The following BRINP2 variants were observed in gnomAD, a reference collection of about 807,000 sequenced individuals.
The protein encoded by BRINP2 is BMP/retinoic acid inducible neural specific 2, also known as BMP/retinoic acid-inducible neural-specific protein 2.
BRINP2 carries 21 observed loss-of-function variants against 69.2 expected under a neutral mutation model. The ratio of observed to expected loss-of-function variants is 0.30; its 90% CI spans 0.22 to 0.44. BRINP2 has a LOEUF of 0.44. Ranked by LOEUF, BRINP2 falls within the 20% of genes least tolerant of loss-of-function variation. The pLI is 1.00. For synonymous variants in BRINP2, 380 were observed against 394.1 expected (o/e 0.96, Z 0.42); for missense variants, 877 against 986.0 (o/e 0.89, Z 1.48).
At chr1:177,205,575 C>G (rs946386369) in intron 1 of BRINP2, among the ~76,000 whole-genome samples, 7 of 152,206 alleles carry the variant, frequency 4.6e-5, no homozygotes, top group Non-Finnish European at 2.9e-5. Flanking sequence ...ACAACACAAG[C>G]CTTCCCATTG....
chr1:177,239,791 T>G (rs1650138364), intron 2 of BRINP2, among the ~76,000 whole-genome samples: 1 of 152,216 alleles, frequency 6.6e-6, no homozygotes, highest in South Asian at 2.1e-4. Flanking sequence ...TATTTTAAGA[T>G]TTCTAGGTAT....
chr1:177,181,436 C>T (rs1399197860), intron 1 of BRINP2, among the ~76,000 whole-genome samples: 1 of 152,212 alleles, frequency 6.6e-6, no homozygotes, highest in African/African-American at 2.4e-5. Flanking sequence ...GCCTGTCCCT[C>T]ACTCCGGTTC....
chr1:177,198,670 G>A (rs1381613869), intron 1 of BRINP2, among the ~76,000 whole-genome samples: 1 of 152,150 alleles, frequency 6.6e-6, no homozygotes, highest in Non-Finnish European at 1.5e-5. Context: ...ATTATCCTGA[G>A]GAAGCTGTTT....
intron 2 of BRINP2, among the ~76,000 whole-genome samples, chr1:177,249,458 C>G (rs1001712269): frequency 2.6e-5 from 4 of 152,214 alleles, no homozygotes; most frequent in Non-Finnish European, 5.9e-5. Context: ...GTGGCCACTC[C>G]TATTCTAAAG....
chr1:177,220,370 TTTG>T (rs1649489903), intron 1 of BRINP2, among the ~76,000 whole-genome samples: 1 of 152,164 alleles, frequency 6.6e-6, no homozygotes, highest in Non-Finnish European at 1.5e-5. Flanking sequence ...GGGTCATTCC[TTTG>T]GTGATAAGTG....
chr1:177,173,022 A>AT (rs2102282980), intron 1 of BRINP2, among the ~76,000 whole-genome samples: 1 of 152,314 alleles, frequency 6.6e-6, no homozygotes, highest in Non-Finnish European at 1.5e-5. Flanking sequence ...CCAAGCAACT[A>AT]AAGTATACCA....
chr1:177,231,160 G>T (rs548736605), intron 2 of BRINP2, among the ~76,000 whole-genome samples: 44 of 152,208 alleles, frequency 2.9e-4, no homozygotes, highest in Admixed American at 2.8e-3. Flanking sequence ...TTATCAACTT[G>T]CATGCCTTAT....
Position 177,251,053 on chromosome 1 carries a change from A to G in BRINP2, c.270-4866A>G, listed in dbSNP as rs1025114821. ...AGCCATTATTTTTTATTATTTGCTC[A>G]TAAAAAGCTTCCTTAGACAGTATCA... On this transcript the variant is annotated intron_variant, in intron 2 of 7. Transcript: ENST00000361539. Among the ~76,000 whole-genome samples, 4 of 152,348 alleles carry G rather than the reference A, an allele frequency of 2.6e-5. No individual in the cohort carries two copies. The East Asian group carries it at 5.8e-4, about 22-fold the overall frequency.
At position 177,229,900 on chromosome 1, in the gene BRINP2, G is replaced by A. The variant is rs1649811841; in HGVS notation, c.24G>A (p.Arg8=). The A allele has an allele frequency of 6.2e-7, 1 of 1,603,164 alleles. No individual in the cohort carries two copies. Among genetic ancestry groups the A allele is most frequent in the South Asian group, 1.1e-5 (1 of 89,786 alleles). The change falls in exon 2 of 8, where the codon CGG becomes CGA. Residue 8 remains arginine, a synonymous_variant. Coordinates refer to ENST00000361539, the MANE Select transcript of BRINP2 (RefSeq NM_021165.4). The part of the protein sequence containing the change: MRWQCGT[R]FRGLRPAVAP... ...GCATGAGGTGGCAGTGTGGCACTCGGTTTAGAGGGCTTCGGCCGGCGGTGG... is the reference window on the plus strand; with the variant it reads ...GCATGAGGTGGCAGTGTGGCACTCGATTTAGAGGGCTTCGGCCGGCGGTGG...
chr1:177,212,577 G>A (rs1040239348), intron 1 of BRINP2, among the ~76,000 whole-genome samples: 9 of 152,138 alleles, frequency 5.9e-5, no homozygotes, highest in Non-Finnish European at 1.3e-4. Flanking sequence ...GTGTGCTGGA[G>A]TTGGTTTCAC....
chr1:177,216,728 T>C (rs1026462848), intron 1 of BRINP2, among the ~76,000 whole-genome samples: 4 of 151,638 alleles, frequency 2.6e-5, no homozygotes, highest in African/African-American at 9.7e-5. Flanking sequence ...TTTTTATTTC[T>C]CCCTCATTTC....
At chr1:177,209,605 C>A (rs1571899705) in intron 1 of BRINP2, among the ~76,000 whole-genome samples, 3 of 152,102 alleles carry the variant, frequency 2.0e-5, no homozygotes, top group Non-Finnish European at 2.9e-5. Context: ...AGACTAAACC[C>A]CAGCTCCGCC....
At chr1:177,244,594 C>T (rs1278426649) in intron 2 of BRINP2, among the ~76,000 whole-genome samples, 1 of 152,186 alleles carries the variant, frequency 6.6e-6, no homozygotes, top group African/African-American at 2.4e-5. Flanking sequence ...CATGCCACTA[C>T]ACTACACTAC....
intron 1 of BRINP2, among the ~76,000 whole-genome samples, chr1:177,224,373 A>C (rs576813241): frequency 6.6e-6 from 1 of 152,184 alleles, no homozygotes; most frequent in Non-Finnish European, 1.5e-5. Flanking sequence ...TTTATGTTTC[A>C]GTCCCTTTCT....
At chr1:177,259,552 A>G (rs1384327698) in intron 4 of BRINP2, among the ~76,000 whole-genome samples, 1 of 152,190 alleles carries the variant, frequency 6.6e-6, no homozygotes, top group Non-Finnish European at 1.5e-5. Context: ...TTTCATAGCT[A>G]AGGAGGGTAA....
chr1:177,273,359 G>A (rs1466401493), intron 4 of BRINP2, 129 bp from the exon 5 acceptor site: 2 of 531,200 alleles, frequency 3.8e-6, no homozygotes, highest in African/African-American at 2.0e-5. Context: ...AGTACGAAAA[G>A]GGACGTATCA....
At chr1:177,245,850 T>TCTC (rs1212225788) in intron 2 of BRINP2, among the ~76,000 whole-genome samples, 1 of 152,046 alleles carries the variant, frequency 6.6e-6, no homozygotes. Flanking sequence ...CAAACAGTGA[T>TCTC]CTCCTCCTCC....
rs771464686 is a variant in BRINP2, at chr1:177,255,902, C to T, written c.270-17C>T. The T allele has an allele frequency of 4.3e-6, 7 of 1,612,608 alleles. No homozygotes were observed. The highest frequency in any genetic ancestry group is 5.9e-6 in the Non-Finnish European group (7 of 1,179,246). ...AAACGAGGTCAGCTTTTCCTTATCC[C>T]TTGGCTTTTCCCCCAGGGAGTTTGC... On this transcript the variant is annotated splice_polypyrimidine_tract_variant and intron_variant, in intron 2 of 7. Transcript: ENST00000361539.
intron 2 of BRINP2, among the ~76,000 whole-genome samples, chr1:177,250,893 T>C (rs1223644628): frequency 6.6e-6 from 1 of 152,226 alleles, no homozygotes; most frequent in Non-Finnish European, 1.5e-5. Flanking sequence ...TTAACTTATT[T>C]GTACCTCAAT....
Sources: allele counts gnomAD v4.1 joint callset (sites outside exome capture counted in the v4.1 genomes callset), GRCh38; gene constraint gnomAD v4.1.1; transcripts MANE v1.5; gene names NCBI Gene and HGNC (gene_info 2026-07-23, HGNC 2026-07-21).